The following CASQ2 variants were observed in gnomAD, a reference collection of about 807,000 sequenced individuals.
The protein encoded by CASQ2 is calsequestrin 2, also known as calsequestrin-2.
In CASQ2, 49 loss-of-function variants were observed where a neutral mutation model predicts 46.5. The ratio of observed to expected loss-of-function variants is 1.05; its 90% CI spans 0.84 to 1.34. The LOEUF (loss-of-function observed/expected upper bound fraction) is 1.34, where lower values mean the gene tolerates loss of function less well. Among genes scored for constraint, CASQ2 ranks in the 40% most tolerant of loss-of-function variants. CASQ2 has a pLI of 0.00. For missense variants in CASQ2, 486 were observed against 481.3 expected (o/e 1.01, Z -0.09); for synonymous variants, 174 against 168.5 (o/e 1.03, Z -0.25).
intron 1 of CASQ2, among the ~76,000 whole-genome samples, chr1:115,759,391 G>C (rs1228035298): frequency 6.6e-6 from 1 of 152,188 alleles, no homozygotes; most frequent in Non-Finnish European, 1.5e-5. Context: ...GTTTAAAAGG[G>C]TCTGACTTCC....
At position 115,768,417 on chromosome 1, in the gene CASQ2, A is replaced by G. The variant is rs1446792848; in HGVS notation, c.125T>C (p.Phe42Ser). The G allele has an allele frequency of 6.2e-7, 1 of 1,613,752 alleles. No individual in the cohort carries two copies. Among genetic ancestry groups the G allele is most frequent in the Non-Finnish European group, 8.5e-7 (1 of 1,179,780 alleles). The change falls in exon 1 of 11, where the codon TTC becomes TCC. Residue 42 changes from phenylalanine (F) to serine (S), a missense_variant. Phe to Ser is a radical substitution (Grantham distance 155). Transcript: ENST00000261448. ...DRVVSLSEKNFKQVLKKYDLL... is the reference protein window; with the variant it reads ...DRVVSLSEKNSKQVLKKYDLL... ...GTCATATTTCTTTAAAACCTGCTTG[A>G]AGTTCTTCTCGGAAAGACTTACCAC...
chr1:115,768,256 C>G, intron 1 of CASQ2, 52 bp downstream of exon 1: 1 of 1,183,682 alleles, frequency 8.4e-7, no homozygotes, highest in East Asian at 2.3e-5. Context: ...CAAAGGCATT[C>G]CCTCGGCACC....
chr1:115,746,298 T>C (rs1437825410), intron 1 of CASQ2, among the ~76,000 whole-genome samples: 2 of 152,188 alleles, frequency 1.3e-5, no homozygotes, highest in East Asian at 3.8e-4. Flanking sequence ...GTTTAGTGTA[T>C]AGGTTTTTGA....
rs1258862462 is a variant in CASQ2 at position 115,712,872 on chromosome 1, AG to A, written c.838+4967del. ...CTGCCTCAAAAAAAAAAAAAAAGAA[AG>A]AAAGAAAGAACCAAATGTTAAATTT... On this transcript the variant is annotated intron_variant, in intron 8 of 10. Transcript: ENST00000261448. 4.1e-3 allele frequency among the ~76,000 whole-genome samples: 615 copies of A among 150,110 alleles called. 7 individuals are homozygous for A. The highest frequency in any genetic ancestry group is 0.014 in the African/African-American group (586 of 40,682).
At chr1:115,709,659 A>G (rs1654480880) in intron 8 of CASQ2, among the ~76,000 whole-genome samples, 1 of 152,224 alleles carries the variant, frequency 6.6e-6, no homozygotes, top group African/African-American at 2.4e-5. Context: ...AATAGCCCTC[A>G]CTCAGAACAT....
intron 5 of CASQ2, among the ~76,000 whole-genome samples, chr1:115,730,096 A>G (rs979331649): frequency 3.2e-4 from 48 of 152,312 alleles, no homozygotes; most frequent in African/African-American, 1.1e-3. Context: ...ATAGATCAGT[A>G]CTGGTCCTAA....
chr1:115,761,514 GAAGAAGAAGAAGAA>G lies in CASQ2; in HGVS notation c.234+6780_234+6793del, dbSNP rs1364226872. Among the ~76,000 whole-genome samples the G allele has an allele frequency of 3.5e-4, 37 of 106,736 alleles. 6 individuals are homozygous for G. Among genetic ancestry groups the G allele is most frequent in the African/African-American group, 8.4e-4 (24 of 28,434 alleles). 70.0% of individuals were successfully genotyped at this position (106,736 alleles called of 152,430 possible). A position where few individuals can be genotyped will look rare whatever the true frequency, so the allele number is the denominator to read the frequency against. ...AGAAGAAGGAGAAGAAGAAGAAGAAGAAGAAGAAGAAGAAGAGTTCATAAAGTGCACATGAGTCT... is the reference window on the plus strand; with the variant it reads ...AGAAGAAGGAGAAGAAGAAGAAGAAGGAGTTCATAAAGTGCACATGAGTCT... On this transcript the variant is annotated intron_variant, in intron 1 of 10. Transcript: ENST00000261448.
At chr1:115,745,936 C>T (rs1380226887) in intron 1 of CASQ2, among the ~76,000 whole-genome samples, 1 of 152,184 alleles carries the variant, frequency 6.6e-6, no homozygotes, top group African/African-American at 2.4e-5. Flanking sequence ...TCCACCACCA[C>T]AAGGATCGCT....
rs186680317 is a variant in CASQ2, at chr1:115,729,178, T to C, written c.607-2056A>G. Among the ~76,000 whole-genome samples the C allele has an allele frequency of 4.6e-3, 696 of 151,176 alleles. 4 individuals carry two copies. Among genetic ancestry groups the C allele is most frequent in the Non-Finnish European group, 8.3e-3 (561 of 67,906 alleles). ...GATTCTCCTGCCTCAGCCTCCCGAGTAGCTGGGATTATGGGCACAGGCCAC... is the reference window on the plus strand; with the variant it reads ...GATTCTCCTGCCTCAGCCTCCCGAGCAGCTGGGATTATGGGCACAGGCCAC... On this transcript the variant is annotated intron_variant, in intron 5 of 10. Transcript: ENST00000261448.
intron 8 of CASQ2, among the ~76,000 whole-genome samples, chr1:115,709,066 C>G (rs1383341449): frequency 1.3e-5 from 2 of 152,216 alleles, no homozygotes; most frequent in African/African-American, 4.8e-5. Flanking sequence ...CAAGGCTCTC[C>G]CCTCTTCAGA....
intron 4 of CASQ2, among the ~76,000 whole-genome samples, chr1:115,737,838 T>C (rs1161485096): frequency 2.0e-5 from 3 of 152,194 alleles, no homozygotes; most frequent in Non-Finnish European, 2.9e-5. Flanking sequence ...TGCTTTCCAA[T>C]TGACTGCAAA....
chr1:115,765,842 C>G (rs1159954476), intron 1 of CASQ2, among the ~76,000 whole-genome samples: 1 of 152,184 alleles, frequency 6.6e-6, no homozygotes, highest in African/African-American at 2.4e-5. Context: ...TTCCCCCTAC[C>G]CCCTAACAGC....
intron 10 of CASQ2, among the ~76,000 whole-genome samples, chr1:115,702,248 C>T (rs1369807330): frequency 6.6e-6 from 1 of 152,258 alleles, no homozygotes; most frequent in South Asian, 2.1e-4. Context: ...GAGATTCTAT[C>T]TTAATTAAGT....
chr1:115,714,279 T>C (rs1418105370), intron 8 of CASQ2, among the ~76,000 whole-genome samples: 2 of 152,194 alleles, frequency 1.3e-5, no homozygotes, highest in African/African-American at 4.8e-5. Context: ...CTCATAGTCA[T>C]GATGTATTTA....
intron 5 of CASQ2, among the ~76,000 whole-genome samples, chr1:115,730,251 A>G (rs1047434669): frequency 2.0e-5 from 3 of 152,206 alleles, no homozygotes; most frequent in Non-Finnish European, 4.4e-5. Flanking sequence ...ACTAATATGG[A>G]TAGTGGTTGG....
At chr1:115,712,285 A>T (rs953031395) in intron 8 of CASQ2, among the ~76,000 whole-genome samples, 2 of 152,194 alleles carry the variant, frequency 1.3e-5, no homozygotes, top group Non-Finnish European at 2.9e-5. Context: ...CACTTGAGAC[A>T]TGTGAATACG....
At chr1:115,761,744 A>G (rs948659185) in intron 1 of CASQ2, among the ~76,000 whole-genome samples, 3 of 151,934 alleles carry the variant, frequency 2.0e-5, no homozygotes, top group African/African-American at 7.3e-5. Context: ...CAGCTGCAAA[A>G]CTCAGAGGCC....
intron 8 of CASQ2, among the ~76,000 whole-genome samples, chr1:115,709,747 C>G (rs762101424): frequency 1.3e-5 from 2 of 152,350 alleles, no homozygotes; most frequent in East Asian, 3.9e-4. Context: ...ATCATTCTAA[C>G]AGCCAAGAAT....
intron 2 of CASQ2, among the ~76,000 whole-genome samples, chr1:115,742,513 C>A (rs185785115): frequency 6.6e-6 from 1 of 152,240 alleles, no homozygotes; most frequent in African/African-American, 2.4e-5. Flanking sequence ...GATCAAATAA[C>A]CGGAAGGAAC....
Sources: gnomAD v4.1 joint callset for allele counts (sites outside exome capture counted in the v4.1 genomes callset) on GRCh38, gnomAD v4.1.1 for gene constraint, MANE v1.5 for transcripts, NCBI Gene and HGNC (gene_info 2026-07-23, HGNC 2026-07-21) for gene names.